The following HDLBP variants were observed in gnomAD, a reference collection of about 807,000 sequenced individuals.
The protein encoded by HDLBP is high density lipoprotein binding protein, also known as vigilin.
Under a neutral mutation model 137.3 loss-of-function variants are expected in HDLBP, and 30 were observed. The observed-to-expected ratio is 0.22, with a 90% CI of 0.16 to 0.30. The LOEUF (loss-of-function observed/expected upper bound fraction) is 0.30. HDLBP is among the 10% of genes least tolerant of loss of function. The pLI, the probability that HDLBP is intolerant of heterozygous loss-of-function variation, is 1.00. For synonymous variants in HDLBP, 606 were observed against 596.0 expected, an observed-to-expected ratio of 1.02 and a Z score of -0.24; for missense variants, 1,119 against 1,667.3, an observed-to-expected ratio of 0.67 and a Z score of 5.73.
At chr2:241,305,847 G>A (rs1010924143) in intron 1 of HDLBP, among the ~76,000 whole-genome samples, 7 of 147,968 alleles carry the variant, frequency 4.7e-5, no homozygotes, top group African/African-American at 1.3e-4. Context: ...GCAAAGTTCC[G>A]CCTCCCGGGT....
rs1452768247 is a variant in HDLBP, at chr2:241,239,700, G to A, written c.2512C>T (p.Pro838Ser). ...TTGTCGCTCTGTGTGCCAGAGCGTG[G>A]GAAGCTGACCATCACCCCGCCATAC... is the stretch of plus-strand genomic sequence containing the variant. The part of the protein sequence containing the change: ...EEYGGVMVSF[P>S]RSGTQSDKVT... The change falls in exon 19 of 28, where the codon CCA (proline) becomes TCA (serine). Residue 838 changes from proline (P) to serine (S), a missense_variant. Transcript: ENST00000310931. The surrounding 1 kb of genome is among the most constrained non-coding windows in gnomAD (Gnocchi z 4.6). 2 of 1,614,068 alleles carry A rather than the reference G, an allele frequency of 1.2e-6. No homozygotes were observed. Among genetic ancestry groups the A allele is most frequent in the Non-Finnish European group, 1.7e-6 (2 of 1,180,046 alleles).
At chr2:241,263,008 C>T (rs565343593) in intron 4 of HDLBP, 82 bp from the exon 5 acceptor site, 2 of 1,068,134 alleles carry the variant, frequency 1.9e-6, no homozygotes, top group African/African-American at 3.1e-5. Flanking sequence ...ATGTGTTCAT[C>T]ACCATCCACT....
At chr2:241,283,087 G>C (rs1361884538) in intron 1 of HDLBP, among the ~76,000 whole-genome samples, 2 of 152,352 alleles carry the variant, frequency 1.3e-5, no homozygotes, top group East Asian at 1.9e-4. Context: ...TAAATGGTAA[G>C]AGAGCGAAAC....
intron 5 of HDLBP, among the ~76,000 whole-genome samples, chr2:241,260,791 T>G (rs1380243299): frequency 6.6e-6 from 1 of 152,148 alleles, no homozygotes; most frequent in African/African-American, 2.4e-5. Context: ...ACAAGCTGAC[T>G]GTGGAAGTAA....
rs11443847 is a variant in HDLBP at position 241,262,456 on chromosome 2, TA to T, written c.450+254del. Among the ~76,000 whole-genome samples the T allele has an allele frequency of 1.3e-3, 192 of 151,228 alleles. 1 individual carries two copies. Among genetic ancestry groups the T allele is most frequent in the African/African-American group, 4.5e-3 (187 of 41,222 alleles). ...GACAACAAGGTGAGACTCTGTCTCT[TA>T]AAAAAAAAATTATTATTACTTTCAA... On this transcript the variant is annotated intron_variant, in intron 5 of 27. Transcript: ENST00000310931.
intron 1 of HDLBP, among the ~76,000 whole-genome samples, chr2:241,303,015 A>G (rs2075442804): frequency 6.6e-6 from 1 of 152,208 alleles, no homozygotes; most frequent in South Asian, 2.1e-4. Context: ...GTTGGGCAGG[A>G]CTAACACGCA....
chr2:241,241,515 C>T (rs142614172), intron 17 of HDLBP, among the ~76,000 whole-genome samples: 5 of 121,794 alleles, frequency 4.1e-5, no homozygotes, highest in African/African-American at 6.3e-5. Context: ...TGCAGTGAGG[C>T]GAGATTGCGC....
chr2:241,307,435 T>C (rs959790458), intron 1 of HDLBP, among the ~76,000 whole-genome samples: 3 of 152,224 alleles, frequency 2.0e-5, no homozygotes, highest in African/African-American at 7.2e-5. Flanking sequence ...TGGAATGGGA[T>C]GGGTAGGGGC....
At chr2:241,295,133 G>A (rs2075130812) in intron 1 of HDLBP, among the ~76,000 whole-genome samples, 1 of 152,040 alleles carries the variant, frequency 6.6e-6, no homozygotes, top group Admixed American at 6.6e-5. Context: ...ACATATACGT[G>A]GCTGACCGAC....
intron 11 of HDLBP, 25 bp downstream of exon 11, chr2:241,252,932 C>A: frequency 6.4e-7 from 1 of 1,555,758 alleles, no homozygotes; most frequent in Non-Finnish European, 8.9e-7. Flanking sequence ...ACACTGGCCC[C>A]ACCGCAACAG....
intron 23 of HDLBP, 51 bp downstream of exon 23, chr2:241,235,070 C>A: frequency 6.3e-7 from 1 of 1,597,112 alleles, no homozygotes; most frequent in South Asian, 1.1e-5. Context: ...GACATGTGCC[C>A]AAAGCTGAGC....
At chr2:241,241,241 G>A (rs946887230) in intron 17 of HDLBP, among the ~76,000 whole-genome samples, 1 of 152,102 alleles carries the variant, frequency 6.6e-6, no homozygotes, top group East Asian at 1.9e-4. Flanking sequence ...ACTGTCCACA[G>A]ACCACGTGAT....
In HDLBP at chr2:241,235,695, A is replaced by G. The variant is rs559336470; in HGVS notation, c.2905-101T>C. On this transcript the variant is annotated intron_variant, in intron 21 of 27. Transcript: ENST00000310931. ...CACGAAACACAAGGCAAACAGCCCT[A>G]TGACAACAGCAATGTGCCCCACCCG... The G allele has an allele frequency of 3.1e-5, 23 of 753,888 alleles. No individual in the cohort carries two copies. The East Asian group carries it at 4.5e-4, about 15-fold the overall frequency. The allele number at this position is 753,888 out of a possible 1,614,324, so 46.7% of individuals were successfully genotyped here.
intron 1 of HDLBP, among the ~76,000 whole-genome samples, chr2:241,281,015 G>C (rs2074575871): frequency 6.6e-6 from 1 of 152,126 alleles, no homozygotes; most frequent in Admixed American, 6.5e-5. Context: ...TATTTACTTA[G>C]AGCCTAATTA....
At chr2:241,235,327 C>T (rs1404908813) in intron 22 of HDLBP, 72 bp from the exon 23 acceptor site, 1 of 1,602,280 alleles carries the variant, frequency 6.2e-7, no homozygotes, top group Non-Finnish European at 8.5e-7. Context: ...GCCCTGGGAC[C>T]CAGAAGTGGT....
chr2:241,271,245 C>A (rs1348344930), intron 1 of HDLBP: 2 of 529,632 alleles, frequency 3.8e-6, no homozygotes, highest in Non-Finnish European at 4.8e-6. Context: ...GTGTCCAGGT[C>A]CACCTAATGT....
At chr2:241,246,624 G>A (rs73114196) in intron 16 of HDLBP, 128 bp downstream of exon 16, 10,701 of 901,724 alleles carry the variant, frequency 0.012, 137 homozygotes, top group African/African-American at 0.05. Context: ...AGCCTGGATT[G>A]AAAGGTGCAA....
chr2:241,287,605 T>C (rs1003690187), intron 1 of HDLBP, among the ~76,000 whole-genome samples: 3 of 152,060 alleles, frequency 2.0e-5, no homozygotes, highest in Non-Finnish European at 4.4e-5. Context: ...TATTTTTTTG[T>C]AGAGACAGGA....
At chr2:241,268,373 TAAAG>T (rs1200811756) in intron 2 of HDLBP, 100 bp downstream of exon 2, 31 of 725,244 alleles carry the variant, frequency 4.3e-5, no homozygotes, top group Non-Finnish European at 4.6e-5. Flanking sequence ...AGGTGTGATA[TAAAG>T]AAAGAAGGTA....
Sources: allele counts gnomAD v4.1 joint callset (sites outside exome capture counted in the v4.1 genomes callset), GRCh38; gene constraint gnomAD v4.1.1; non-coding constraint Gnocchi (gnomAD v3.1); transcripts MANE v1.5; gene names NCBI Gene and HGNC (gene_info 2026-07-23, HGNC 2026-07-21).